The following ZNF423 variants were observed in gnomAD, a reference collection of about 807,000 sequenced individuals.
ZNF423 encodes the protein zinc finger protein 423.
In ZNF423, 12 loss-of-function variants were observed where a neutral mutation model predicts 95.8. The ratio of observed to expected loss-of-function variants is 0.13; its 90% confidence interval spans 0.08 to 0.20. The LOEUF (loss-of-function observed/expected upper bound fraction) is 0.20. ZNF423 is among the 10% of genes least tolerant of loss of function. The probability of loss-of-function intolerance (pLI) is 1.00; values close to 1 mark genes in which losing one functional copy is unlikely to be tolerated. For synonymous variants in ZNF423, 749 were observed against 711.9 expected, an observed-to-expected ratio of 1.05 and a Z score of -0.83; for missense variants, 1,316 against 1,737.1, an observed-to-expected ratio of 0.76 and a Z score of 4.31.
chr16:49,779,665 C>T (rs1011105574), intron 2 of ZNF423, among the ~76,000 whole-genome samples: 4 of 152,146 alleles, frequency 2.6e-5, no homozygotes, highest in African/African-American at 9.7e-5. Context: ...AACCCACAGA[C>T]ATGCCTGACT....
intron 5 of ZNF423, among the ~76,000 whole-genome samples, chr16:49,547,285 G>A (rs1363344114): frequency 6.6e-6 from 1 of 152,018 alleles, no homozygotes; most frequent in Non-Finnish European, 1.5e-5. Context: ...TTGGTTAAAG[G>A]CTCCACTCAC....
Position 49,489,916 on chromosome 16 carries a change from G to C in ZNF423, c.*1359C>G, listed in dbSNP as rs1226179059. ...TGGGAGGCCAGCAGGGCCAGGAGTA[G>C]GTGAAATAAGCAAGGTGCCTAGAGT... On this transcript the variant is annotated 3_prime_UTR_variant, in exon 8 of 8. Transcript: ENST00000563137. 3 of 152,342 alleles carry C rather than the reference G, an allele frequency of 2.0e-5. No individual in the cohort carries two copies. The highest frequency in any genetic ancestry group is 4.4e-5 in the Non-Finnish European group (3 of 68,106). 9.4% of individuals were successfully genotyped at this position (152,342 alleles called of 1,614,324 possible). A position where few individuals can be genotyped will look rare whatever the true frequency, so the allele number is the denominator to read the frequency against.
chr16:49,519,050 C>A (rs1207017085), intron 7 of ZNF423, among the ~76,000 whole-genome samples: 2 of 152,124 alleles, frequency 1.3e-5, no homozygotes, highest in Admixed American at 6.5e-5. Context: ...GGTGACAGAG[C>A]CAGACCCTGT....
rs2033647135 is a variant in ZNF423, at chr16:49,752,280, G to A, written c.101-21309C>T. 3.3e-5 allele frequency among the ~76,000 whole-genome samples: 5 copies of A among 152,340 alleles called. 1 individual carries two copies. The South Asian group carries it at 1.0e-3, about 32-fold the overall frequency. ...CTGCACACCGGAATTGGGAGAGGGG[G>A]TGCACACCAGTGGCCCTCCCCCACC... is the stretch of plus-strand genomic sequence containing the variant. On this transcript the variant is annotated intron_variant, in intron 2 of 7. Transcript: ENST00000563137.
intron 1 of ZNF423, among the ~76,000 whole-genome samples, chr16:49,821,677 C>A (rs752843714): frequency 2.0e-5 from 3 of 152,162 alleles, no homozygotes; most frequent in African/African-American, 4.8e-5. Flanking sequence ...CCTGTCTCTG[C>A]CTTTGTCCCT....
chr16:49,499,751 G>A (rs1967318332), intron 7 of ZNF423, among the ~76,000 whole-genome samples: 1 of 152,182 alleles, frequency 6.6e-6, no homozygotes, highest in Non-Finnish European at 1.5e-5. Context: ...ATGAAAACGT[G>A]GGAGAAAATA....
chr16:49,784,588 G>C (rs1209939730), intron 2 of ZNF423, among the ~76,000 whole-genome samples: 1 of 152,164 alleles, frequency 6.6e-6, no homozygotes, highest in Non-Finnish European at 1.5e-5. Context: ...AAAGAAGCTA[G>C]TCAATGGAGA....
chr16:49,855,060 G>C lies in ZNF423; in HGVS notation c.40+675C>G. The stretch of plus-strand genomic sequence containing the variant: ...CCGTGCAGACAATGAACTCCTGGCG[G>C]AGGCTCCCTGCCCGGTGGGCCTCGG... On this transcript the variant is annotated intron_variant, in intron 1 of 7. Coordinates refer to ENST00000563137, the MANE Select transcript of ZNF423 (RefSeq NM_001379286.1). The surrounding 1 kb of genome is among the most constrained non-coding windows in gnomAD (Gnocchi z 4.7). 19 of 984,330 alleles carry C rather than the reference G, an allele frequency of 1.9e-5. No homozygotes were observed. The highest frequency in any genetic ancestry group is 2.3e-5 in the Non-Finnish European group (19 of 829,324). 61.0% of individuals were successfully genotyped at this position (984,330 alleles called of 1,614,324 possible).
rs527492096 is a variant in ZNF423 at position 49,603,453 on chromosome 16, C to T, written c.3601+22717G>A. On this transcript the variant is annotated intron_variant, in intron 5 of 7. Coordinates refer to ENST00000563137, the MANE Select transcript of ZNF423 (RefSeq NM_001379286.1). This position sits in a 1 kb window ranked among gnomAD's most constrained non-coding sequence, Gnocchi z 4.1. Reference sequence around the variant, plus strand: ...AGACGAAGTCTCACTCTTGTCCCCCCGGCTGGAGTGCAGTGGTGTGATCTC... The same window carrying T: ...AGACGAAGTCTCACTCTTGTCCCCCTGGCTGGAGTGCAGTGGTGTGATCTC... Among the ~76,000 whole-genome samples, 8 of 152,158 alleles carry T rather than the reference C, an allele frequency of 5.3e-5. No individual in the cohort carries two copies. Among genetic ancestry groups the T allele is most frequent in the African/African-American group, 9.7e-5 (4 of 41,444 alleles).
At chr16:49,793,487 C>CA (rs1470786283) in intron 1 of ZNF423, among the ~76,000 whole-genome samples, 2 of 152,230 alleles carry the variant, frequency 1.3e-5, no homozygotes, top group East Asian at 1.9e-4. Context: ...TCCCTAGCTC[C>CA]ATGTCTAGTT....
chr16:49,819,484 G>A (rs2144014524), intron 1 of ZNF423, among the ~76,000 whole-genome samples: 1 of 151,564 alleles, frequency 6.6e-6, no homozygotes, highest in Admixed American at 6.6e-5. Flanking sequence ...ATCTCACTCT[G>A]TCACCCAGGC....
chr16:49,792,549 T>C (rs1171690276), intron 1 of ZNF423, among the ~76,000 whole-genome samples: 1 of 152,172 alleles, frequency 6.6e-6, no homozygotes, highest in Non-Finnish European at 1.5e-5. Flanking sequence ...CACAATGCAG[T>C]CCCTGGAACC....
chr16:49,714,004 A>C (rs777130102), intron 3 of ZNF423, among the ~76,000 whole-genome samples: 1 of 152,192 alleles, frequency 6.6e-6, no homozygotes, highest in Non-Finnish European at 1.5e-5. Flanking sequence ...TCAGCCCGGC[A>C]GTGTGGTAAA....
chr16:49,533,114 G>T (rs961622843), intron 5 of ZNF423, among the ~76,000 whole-genome samples: 1 of 152,174 alleles, frequency 6.6e-6, no homozygotes, highest in Non-Finnish European at 1.5e-5. Flanking sequence ...CGGCCTCTGC[G>T]ATCTGCCCTC....
intron 5 of ZNF423, among the ~76,000 whole-genome samples, chr16:49,611,439 A>G (rs533759746): frequency 1.6e-4 from 24 of 152,160 alleles, no homozygotes; most frequent in Non-Finnish European, 2.8e-4. Flanking sequence ...TTTTTAATAC[A>G]CTGAACTGAA....
At chr16:49,778,026 C>A (rs987461147) in intron 2 of ZNF423, among the ~76,000 whole-genome samples, 1 of 152,186 alleles carries the variant, frequency 6.6e-6, no homozygotes, top group Non-Finnish European at 1.5e-5. Context: ...ATTTGCCAGA[C>A]TAAGCATGAG....
intron 5 of ZNF423, among the ~76,000 whole-genome samples, chr16:49,565,994 C>G (rs1301275867): frequency 6.6e-6 from 1 of 152,084 alleles, no homozygotes; most frequent in East Asian, 1.9e-4. Flanking sequence ...ATCCATCCAT[C>G]AATCTATCCT....
At chr16:49,574,603 C>A (rs1374395406) in intron 5 of ZNF423, among the ~76,000 whole-genome samples, 1 of 152,188 alleles carries the variant, frequency 6.6e-6, no homozygotes, top group Admixed American at 6.5e-5. Context: ...GACAGCTTGC[C>A]ATACCTAAGA....
At chr16:49,525,196 C>T (rs1360583030) in intron 6 of ZNF423, among the ~76,000 whole-genome samples, 167 bp downstream of exon 6, 2 of 152,180 alleles carry the variant, frequency 1.3e-5, no homozygotes, top group East Asian at 1.9e-4. Flanking sequence ...AACTGAGGGA[C>T]GTGGGGCAAA....
Sources: gnomAD v4.1 joint callset for allele counts (sites outside exome capture counted in the v4.1 genomes callset) on GRCh38, gnomAD v4.1.1 for gene constraint, Gnocchi (gnomAD v3.1) non-coding constraint, MANE v1.5 for transcripts, NCBI Gene and HGNC (gene_info 2026-07-23, HGNC 2026-07-21) for gene names.